Variants in C19orf38 observed in about 807,000 individuals in gnomAD.
The protein encoded by C19orf38 is chromosome 19 open reading frame 38.
A neutral mutation model predicts 26.6 loss-of-function variants in C19orf38; 14 were observed. The observed-to-expected ratio is 0.53, with a 90% CI of 0.35 to 0.82. C19orf38 has a LOEUF of 0.82. Among genes scored for constraint, C19orf38 ranks in the 40% least tolerant of loss-of-function variants. The pLI is 0.01. For synonymous variants in C19orf38, 132 were observed against 128.5 expected, an observed-to-expected ratio of 1.03 and a Z score of -0.18; for missense variants, 261 against 299.5, an observed-to-expected ratio of 0.87 and a Z score of 0.95.
intron 1 of C19orf38, among the ~76,000 whole-genome samples, chr19:10,849,404 C>T (rs1305216771): frequency 1.3e-5 from 2 of 152,144 alleles, no homozygotes; most frequent in African/African-American, 4.8e-5. Context: ...ATGCCCTTCC[C>T]CAGCTCTCCA....
At chr19:10,850,728 AG>A (rs1435483655) in intron 2 of C19orf38, among the ~76,000 whole-genome samples, 161 bp downstream of exon 2, 2 of 152,050 alleles carry the variant, frequency 1.3e-5, no homozygotes, top group African/African-American at 4.8e-5. Flanking sequence ...CCAGCCCAAA[AG>A]GGGATTTGTT....
chr19:10,841,804 C>T, intron 1 of C19orf38: 1 of 1,118,384 alleles, frequency 8.9e-7, no homozygotes, highest in Non-Finnish European at 1.4e-6. Context: ...GAGATCCCAT[C>T]TCCACAAAAA....
intron 4 of C19orf38, 46 bp from the exon 5 acceptor site, chr19:10,859,869 A>C (rs1024684375): frequency 1.3e-6 from 2 of 1,533,822 alleles, no homozygotes; most frequent in African/African-American, 2.8e-5. Context: ...TCCTGACTCA[A>C]GGGGCAACCC....
At chr19:10,841,299 C>T (rs890649857) in intron 1 of C19orf38, among the ~76,000 whole-genome samples, 14 of 151,682 alleles carry the variant, frequency 9.2e-5, no homozygotes, top group Admixed American at 7.2e-4. Flanking sequence ...GAGACTCTCC[C>T]GCTCCTACCA....
intron 3 of C19orf38, among the ~76,000 whole-genome samples, chr19:10,857,376 T>A (rs1180184822): frequency 5.2e-5 from 6 of 114,838 alleles, no homozygotes; most frequent in South Asian, 2.8e-4. Context: ...ATTTTTTTTT[T>A]TTTTTTTTTA....
At chr19:10,856,173 G>C in intron 2 of C19orf38, 92 bp from the exon 3 acceptor site, 2 of 969,110 alleles carry the variant, frequency 2.1e-6, no homozygotes, top group South Asian at 2.9e-5. Context: ...CATGTTCTTT[G>C]GTTGGGGGTT....
chr19:10,855,537 G>C (rs1189364060), intron 2 of C19orf38, among the ~76,000 whole-genome samples: 1 of 151,352 alleles, frequency 6.6e-6, no homozygotes, highest in Non-Finnish European at 1.5e-5. Flanking sequence ...TGTTTTGTTT[G>C]TTTCTTTTTG....
chr19:10,867,325 G>T (rs914138579), intron 6 of C19orf38, among the ~76,000 whole-genome samples: 1 of 151,350 alleles, frequency 6.6e-6, no homozygotes, highest in African/African-American at 2.4e-5. Context: ...GTCCTTCATG[G>T]CAGGCACGGT....
At chr19:10,865,651 G>A (rs989246770) in intron 6 of C19orf38, among the ~76,000 whole-genome samples, 4 of 152,018 alleles carry the variant, frequency 2.6e-5, no homozygotes, top group Non-Finnish European at 5.9e-5. Flanking sequence ...AAAAATTTCC[G>A]TATGAAAAGC....
intron 6 of C19orf38, among the ~76,000 whole-genome samples, chr19:10,863,472 C>T (rs1296786173): frequency 6.6e-6 from 1 of 152,146 alleles, no homozygotes; most frequent in Non-Finnish European, 1.5e-5. Flanking sequence ...GTGGTATGTC[C>T]TGGCCTGGTC....
chr19:10,869,461 A>C lies in C19orf38; in HGVS notation c.*94A>C. The C allele has an allele frequency of 3.4e-5, 48 of 1,411,468 alleles. No homozygotes were observed. The highest frequency in any genetic ancestry group is 4.2e-5 in the Non-Finnish European group (45 of 1,067,754). 87.4% of individuals were successfully genotyped at this position (1,411,468 alleles called of 1,614,324 possible). On this transcript the variant is annotated 3_prime_UTR_variant, in exon 7 of 7. Transcript: ENST00000397820. ...GGGGGGCTCTGTCAGCCACTTTCTC[A>C]GGGAATTGGACAGAGGAAAGGAAGG...
chr19:10,844,837 G>C (rs2073504200), upstream of C19orf38, among the ~76,000 whole-genome samples: 1 of 128,738 alleles, frequency 7.8e-6, no homozygotes. Flanking sequence ...GACAGAGCGA[G>C]ATTCCATCTC....
chr19:10,839,491 T>A (rs187040082), intron 1 of C19orf38, among the ~76,000 whole-genome samples: 16 of 152,282 alleles, frequency 1.1e-4, no homozygotes, highest in African/African-American at 3.6e-4. Context: ...ATCTCCTGTA[T>A]CAACTCCTCA....
At chr19:10,845,591 A>T (rs2073510181), upstream of C19orf38, among the ~76,000 whole-genome samples, 1 of 152,132 alleles carries the variant, frequency 6.6e-6, no homozygotes, top group Admixed American at 6.6e-5. Flanking sequence ...ATTAGAAGAT[A>T]AAGGTGGGCC....
chr19:10,848,292 C>T (rs781179781), upstream of C19orf38: 19 of 534,946 alleles, frequency 3.6e-5, no homozygotes, highest in South Asian at 8.0e-5. Flanking sequence ...CAGAGAGGTG[C>T]GCGGGTCTGA....
chr19:10,867,695 C>T (rs1316996639), intron 6 of C19orf38, among the ~76,000 whole-genome samples: 1 of 135,410 alleles, frequency 7.4e-6, no homozygotes, highest in Non-Finnish European at 1.5e-5. Context: ...CTCTGTCGCC[C>T]AGACTGCAGT....
chr19:10,844,412 A>AAAG (rs1358673039), upstream of C19orf38, among the ~76,000 whole-genome samples: 1 of 140,518 alleles, frequency 7.1e-6, no homozygotes, highest in African/African-American at 2.6e-5. Context: ...CAAAAAAAAA[A>AAAG]AAAAAAAAAT....
chr19:10,863,090 G>C, intron 5 of C19orf38, 80 bp from the exon 6 acceptor site: 1 of 1,426,760 alleles, frequency 7.0e-7, no homozygotes, highest in Non-Finnish European at 9.7e-7. Flanking sequence ...TGTGGGCTGG[G>C]GGGCAGTGCG....
In C19orf38 at chr19:10,865,095, C is replaced by T. The variant is rs910803816; in HGVS notation, c.543+1888C>T. On this transcript the variant is annotated intron_variant, in intron 6 of 6. Transcript: ENST00000397820. ...AACGTTTCCATGAGAATCCACACCGCACAGAACACCAGCCTGGTGATGCCC... is the reference window on the plus strand; with the variant it reads ...AACGTTTCCATGAGAATCCACACCGTACAGAACACCAGCCTGGTGATGCCC... 4.6e-5 allele frequency among the ~76,000 whole-genome samples: 7 copies of T among 152,278 alleles called. No individual in the cohort carries two copies. In the South Asian group the frequency reaches 1.5e-3, roughly 32 times the overall value.
Sources: allele counts gnomAD v4.1 joint callset (sites outside exome capture counted in the v4.1 genomes callset), GRCh38; gene constraint gnomAD v4.1.1; transcripts MANE v1.5; gene names NCBI Gene and HGNC (gene_info 2026-07-23, HGNC 2026-07-21).